ZNF215: variants seen among roughly 807,000 people sequenced by gnomAD.
The protein encoded by ZNF215 is zinc finger protein 215, also known as BWSCR2-associated zinc finger protein 2.
A neutral mutation model predicts 27.2 loss-of-function variants in ZNF215; 24 were observed. The observed-to-expected ratio is 0.88, with a 90% CI of 0.64 to 1.24. The LOEUF is 1.24. Ranked by LOEUF, ZNF215 falls within the 50% of genes most tolerant of loss-of-function variation. The pLI is 0.00. For missense variants in ZNF215, 675 were observed against 605.7 expected, an observed-to-expected ratio of 1.11 and a Z score of -1.20; for synonymous variants, 210 against 204.0, an observed-to-expected ratio of 1.03 and a Z score of -0.25.
intron 5 of ZNF215, among the ~76,000 whole-genome samples, chr11:6,974,585 T>C (rs1850791433): frequency 1.3e-5 from 2 of 152,184 alleles, no homozygotes; most frequent in Non-Finnish European, 2.9e-5. Context: ...CAGTGGTTTG[T>C]AGTTCTTGAA....
chr11:6,929,470 G>A (rs1230924642), intron 2 of ZNF215, among the ~76,000 whole-genome samples: 1 of 152,028 alleles, frequency 6.6e-6, no homozygotes, highest in Non-Finnish European at 1.5e-5. Context: ...ACATTCTGTT[G>A]TCATGCCCCC....
chr11:6,953,788 TC>T (rs1362242892), intron 6 of ZNF215, among the ~76,000 whole-genome samples: 3 of 152,208 alleles, frequency 2.0e-5, no homozygotes, highest in Non-Finnish European at 2.9e-5. Flanking sequence ...GGAACTGCGT[TC>T]CTTTGGAGGA....
chr11:6,964,579 C>G (rs540509424), intron 5 of ZNF215, among the ~76,000 whole-genome samples: 46 of 151,956 alleles, frequency 3.0e-4, no homozygotes, highest in Admixed American at 3.0e-3. Flanking sequence ...TTTCTGGAGT[C>G]TGTTTTCTTT....
At chr11:6,944,254 C>T (rs1429991978) in intron 6 of ZNF215, among the ~76,000 whole-genome samples, 3 of 152,062 alleles carry the variant, frequency 2.0e-5, no homozygotes, top group African/African-American at 4.8e-5. Flanking sequence ...CCAGCCTGGG[C>T]AACAGAGAAC....
intron 5 of ZNF215, among the ~76,000 whole-genome samples, chr11:6,969,515 T>C (rs1035912381): frequency 2.0e-5 from 3 of 152,156 alleles, no homozygotes; most frequent in Non-Finnish European, 4.4e-5. Flanking sequence ...ATGTACTCCA[T>C]TTTAAATTTT....
At chr11:6,992,484 A>G (rs1168449029), downstream of ZNF215, among the ~76,000 whole-genome samples, 1 of 152,252 alleles carries the variant, frequency 6.6e-6, no homozygotes, top group Non-Finnish European at 1.5e-5. Flanking sequence ...ACTTTGTCTT[A>G]AATCAACCTT....
chr11:6,943,434 C>A (rs1849698310), intron 5 of ZNF215, 112 bp from the exon 6 acceptor site: 1 of 1,174,006 alleles, frequency 8.5e-7, no homozygotes, highest in South Asian at 1.5e-5. Context: ...TCTGGCCTTA[C>A]CCTTCAGCAG....
At chr11:6,982,644 C>T (rs990638762) in intron 5 of ZNF215, among the ~76,000 whole-genome samples, 2 of 152,096 alleles carry the variant, frequency 1.3e-5, no homozygotes, top group Admixed American at 1.3e-4. Context: ...GAACAACTTG[C>T]TCCTGAATGA....
intron 3 of ZNF215, 73 bp downstream of exon 3, chr11:6,932,745 G>C (rs1346090444): frequency 7.0e-7 from 1 of 1,426,386 alleles, no homozygotes; most frequent in East Asian, 2.3e-5. Context: ...TTTTTTTGAG[G>C]CCAGAGAGTA....
chr11:6,982,784 A>G (rs1246629381), intron 5 of ZNF215, among the ~76,000 whole-genome samples: 2 of 152,078 alleles, frequency 1.3e-5, no homozygotes, highest in East Asian at 3.8e-4. Context: ...TTATAGCACT[A>G]AATGCCCACA....
chr11:6,977,258 T>C (rs111273779), intron 5 of ZNF215, among the ~76,000 whole-genome samples: 2,466 of 152,140 alleles, frequency 0.016, 61 homozygotes, highest in African/African-American at 0.056. Flanking sequence ...TTCTGAGTAG[T>C]GTGATGAAAT....
chr11:6,976,190 A>G (rs1209898023), intron 5 of ZNF215, among the ~76,000 whole-genome samples: 3 of 152,036 alleles, frequency 2.0e-5, no homozygotes, highest in African/African-American at 7.2e-5. Flanking sequence ...TGACTGGATT[A>G]TTAGATTTTT....
chr11:6,983,089 C>A (rs1304941847), intron 5 of ZNF215, among the ~76,000 whole-genome samples: 4 of 152,032 alleles, frequency 2.6e-5, no homozygotes, highest in African/African-American at 9.7e-5. Flanking sequence ...ACCACCGATT[C>A]CACAGAAATA....
chr11:6,978,318 A>T (rs530774455), intron 5 of ZNF215, among the ~76,000 whole-genome samples: 7 of 152,096 alleles, frequency 4.6e-5, no homozygotes, highest in African/African-American at 1.7e-4. Context: ...AAAATAATCT[A>T]TGGTTTCATT....
rs779367863 is a variant in ZNF215 at position 6,943,592 on chromosome 11, GAAA to G, written c.668_670del (p.Lys223del). 9 of 1,613,838 alleles carry G rather than the reference GAAA, an allele frequency of 5.6e-6. No homozygotes were observed. The highest frequency in any genetic ancestry group is 4.4e-5 in the South Asian group (4 of 91,036). ...TTGAGAGCCTTAAGTTGGAGAGTAA[GAAA>G]AAAAGATGGATAATGGAGAAAGAAA... On this transcript the variant is annotated inframe_deletion, in exon 6 of 7. Transcript: ENST00000278319.
At chr11:6,962,422 G>C (rs182677028), downstream of ZNF215, among the ~76,000 whole-genome samples, 1 of 152,152 alleles carries the variant, frequency 6.6e-6, no homozygotes, top group South Asian at 2.1e-4. Context: ...AGGGAGAATA[G>C]AGGATATCTG....
downstream of ZNF215, among the ~76,000 whole-genome samples, chr11:6,993,168 A>G (rs1295065531): frequency 6.6e-6 from 1 of 152,200 alleles, no homozygotes; most frequent in Non-Finnish European, 1.5e-5. Context: ...AGAACAGTTT[A>G]AAACAAAGAA....
intron 3 of ZNF215, among the ~76,000 whole-genome samples, chr11:6,940,092 G>A (rs1849583607): frequency 6.6e-6 from 1 of 151,492 alleles, no homozygotes; most frequent in South Asian, 2.1e-4. Context: ...CATTATCCAA[G>A]TATGGTGGCA....
downstream of ZNF215, among the ~76,000 whole-genome samples, chr11:6,985,851 G>A (rs1344364580): frequency 1.3e-5 from 2 of 151,950 alleles, no homozygotes; most frequent in African/African-American, 4.8e-5. Flanking sequence ...ATCTCTACAA[G>A]GAGAATTACA....
Sources: gnomAD v4.1 joint callset for allele counts (sites outside exome capture counted in the v4.1 genomes callset) on GRCh38, gnomAD v4.1.1 for gene constraint, MANE v1.5 for transcripts, NCBI Gene and HGNC (gene_info 2026-07-23, HGNC 2026-07-21) for gene names.